The following JPH3 variants were observed in gnomAD, a reference collection of about 807,000 sequenced individuals.
The protein encoded by JPH3 is junctophilin 3, also known as junctophilin-3.
JPH3 carries 11 observed loss-of-function variants against 59.6 expected under a neutral mutation model. The ratio of observed to expected loss-of-function variants is 0.18; its 90% CI spans 0.12 to 0.31. The LOEUF (loss-of-function observed/expected upper bound fraction) is 0.31, where lower values mean the gene tolerates loss of function less well. Ranked by LOEUF, JPH3 falls within the 10% of genes least tolerant of loss-of-function variation. The pLI, the probability that JPH3 is intolerant of heterozygous loss-of-function variation, is 1.00. For missense variants in JPH3, 1,202 were observed against 1,105.7 expected (o/e 1.09, Z -1.24); for synonymous variants, 673 against 483.6 (o/e 1.39, Z -5.14).
intron 2 of JPH3, among the ~76,000 whole-genome samples, chr16:87,673,383 C>T (rs763320797): frequency 3.8e-4 from 57 of 151,984 alleles, no homozygotes; most frequent in East Asian, 3.8e-4. Flanking sequence ...GTGCTTTGCT[C>T]GTGGGGGTGT....
At chr16:87,660,467 G>C (rs184516666) in intron 2 of JPH3, among the ~76,000 whole-genome samples, 1 of 152,110 alleles carries the variant, frequency 6.6e-6, no homozygotes, top group Admixed American at 6.5e-5. Flanking sequence ...ATTCGGTTCC[G>C]TGCTCCCCTT....
intron 2 of JPH3, among the ~76,000 whole-genome samples, chr16:87,657,690 ATC>A (rs2032551754): frequency 6.6e-6 from 1 of 152,136 alleles, no homozygotes; most frequent in African/African-American, 2.4e-5. Flanking sequence ...GAGCCAGTCC[ATC>A]TCTGGGGTGT....
chr16:87,610,257 T>C (rs961488118), intron 1 of JPH3, among the ~76,000 whole-genome samples: 6 of 152,292 alleles, frequency 3.9e-5, no homozygotes, highest in Admixed American at 3.3e-4. Context: ...TGTGGCTGGG[T>C]TCCTAACAGG....
intron 2 of JPH3, among the ~76,000 whole-genome samples, chr16:87,645,477 C>G (rs939570427): frequency 2.0e-5 from 3 of 152,170 alleles, no homozygotes; most frequent in African/African-American, 4.8e-5. Flanking sequence ...CCTCAGCTAC[C>G]CAGACCTGCG....
intron 2 of JPH3, among the ~76,000 whole-genome samples, chr16:87,682,111 C>G (rs935169142): frequency 3.3e-5 from 5 of 152,202 alleles, no homozygotes; most frequent in South Asian, 2.1e-4. Flanking sequence ...TTGGAGCACT[C>G]TCTGGCTCTT....
At position 87,644,809 on chromosome 16, in the gene JPH3, G is replaced by A. The variant is rs1019784866; in HGVS notation, c.934G>A (p.Glu312Lys). 17 of 1,613,134 alleles carry A rather than the reference G, an allele frequency of 1.1e-5. No individual in the cohort carries two copies. Among genetic ancestry groups the A allele is most frequent in the African/African-American group, 2.7e-5 (2 of 74,850 alleles). Residue 312 changes from glutamate to lysine, a missense_variant, in exon 2 of 5, where the codon GAG becomes AAG. By Grantham distance (56) the Glu-to-Lys change is moderately conservative (BLOSUM62 1). Coordinates refer to ENST00000284262, the MANE Select transcript of JPH3 (RefSeq NM_020655.4). ...VSQRSDGLKY[E>K]GEWASNRRHG... ...CCAGCGCTCGGACGGGCTCAAGTAC[G>A]AGGGCGAGTGGGCCAGCAACCGGCG...
chr16:87,640,321 C>G (rs181823597), intron 1 of JPH3, among the ~76,000 whole-genome samples: 7,041 of 139,574 alleles, frequency 0.05, 215 homozygotes, highest in South Asian at 0.13. Flanking sequence ...GAGCAAGACT[C>G]CATCTCAAAA....
chr16:87,603,995 G>A (rs2030378854), intron 1 of JPH3: 1 of 827,060 alleles, frequency 1.2e-6, no homozygotes, highest in South Asian at 5.5e-5. Flanking sequence ...CCTCAGCCCC[G>A]AATCTGCCCA....
intron 2 of JPH3, among the ~76,000 whole-genome samples, chr16:87,661,286 T>TC (rs2032694939): frequency 2.0e-5 from 3 of 152,080 alleles, no homozygotes; most frequent in Admixed American, 6.5e-5. Flanking sequence ...ATCTCTCTCT[T>TC]TCCTGATCCT....
rs138837277 is a variant in JPH3 at position 87,671,474 on chromosome 16, C to T, written c.1161-12668C>T. 2.8e-4 allele frequency among the ~76,000 whole-genome samples: 42 copies of T among 152,328 alleles called. 1 individual carries two copies. The East Asian group carries it at 6.8e-3, about 24-fold the overall frequency. On this transcript the variant is annotated intron_variant, in intron 2 of 4. Transcript: ENST00000284262. Reference sequence around the variant, plus strand: ...GCGCCACCTGGTATGTCCTGGGTGGCGGCCGCTGTGCCTGCTCCTATCCAC... The same window carrying T: ...GCGCCACCTGGTATGTCCTGGGTGGTGGCCGCTGTGCCTGCTCCTATCCAC...
intron 3 of JPH3, 60 bp from the exon 4 acceptor site, chr16:87,689,585 CG>C: frequency 6.5e-7 from 1 of 1,549,990 alleles, no homozygotes; most frequent in Non-Finnish European, 8.8e-7. Context: ...CCGGGGACCG[CG>C]GCCTCGCTGT....
chr16:87,620,453 A>AAGGAGAGAGAGGGAGAGAAGGAG (rs1324708654), intron 1 of JPH3, among the ~76,000 whole-genome samples: 36 of 118,378 alleles, frequency 3.0e-4, no homozygotes, highest in Non-Finnish European at 5.3e-4. Flanking sequence ...AGAGAGAGAG[A>AAGGAGAGAGAGGGAGAGAAGGAG]AGGAGAGAGA....
At chr16:87,686,775 T>G (rs2033429125) in intron 3 of JPH3, among the ~76,000 whole-genome samples, 1 of 152,198 alleles carries the variant, frequency 6.6e-6, no homozygotes, top group South Asian at 2.1e-4. Flanking sequence ...GGCTGACCTT[T>G]TAAGTCCTGA....
intron 2 of JPH3, among the ~76,000 whole-genome samples, chr16:87,670,184 A>G (rs766547468): frequency 2.9e-4 from 44 of 151,990 alleles, no homozygotes; most frequent in Non-Finnish European, 5.9e-4. Context: ...CAACTGTTGC[A>G]CCCTCGGAGC....
chr16:87,694,236 T>G (rs1196717179), intron 4 of JPH3: 1 of 152,224 alleles, frequency 6.6e-6, no homozygotes, highest in Non-Finnish European at 1.5e-5. Context: ...GAGGGTGTGG[T>G]GGGTTCTGAG....
At chr16:87,687,872 A>T (rs2033456614) in intron 3 of JPH3, among the ~76,000 whole-genome samples, 1 of 152,198 alleles carries the variant, frequency 6.6e-6, no homozygotes, top group South Asian at 2.1e-4. Context: ...CCTTGATCCC[A>T]GCCTGCTAGG....
intron 1 of JPH3, among the ~76,000 whole-genome samples, chr16:87,609,649 T>C (rs2030660259): frequency 6.6e-6 from 1 of 152,224 alleles, no homozygotes. Context: ...TTCACTTCTC[T>C]TGGAGCATAA....
intron 2 of JPH3, among the ~76,000 whole-genome samples, chr16:87,660,253 T>G (rs530128981): frequency 6.6e-6 from 1 of 152,234 alleles, no homozygotes; most frequent in Admixed American, 6.5e-5. Flanking sequence ...CTCCCTGGAT[T>G]CTGTTTCAGA....
chr16:87,672,573 G>C (rs1039554766), intron 2 of JPH3, among the ~76,000 whole-genome samples: 1 of 152,236 alleles, frequency 6.6e-6, no homozygotes, highest in Admixed American at 6.5e-5. Flanking sequence ...AACGGGGCTT[G>C]CTTGAGGTCT....
Sources: gnomAD v4.1 joint callset for allele counts (sites outside exome capture counted in the v4.1 genomes callset) on GRCh38, gnomAD v4.1.1 for gene constraint, MANE v1.5 for transcripts, NCBI Gene and HGNC (gene_info 2026-07-23, HGNC 2026-07-21) for gene names.